PDGFRB: variants seen among roughly 807,000 people sequenced by gnomAD.
The protein encoded by PDGFRB is platelet derived growth factor receptor beta.
In PDGFRB, 42 loss-of-function variants were observed where a neutral mutation model predicts 120.2. The ratio of observed to expected loss-of-function variants is 0.35; its 90% CI spans 0.27 to 0.45. PDGFRB has a LOEUF of 0.45. PDGFRB is among the 20% of genes least tolerant of loss of function. PDGFRB has a pLI of 1.00. For synonymous variants in PDGFRB, 586 were observed against 606.8 expected (o/e 0.97, Z 0.50); for missense variants, 1,149 against 1,476.3 (o/e 0.78, Z 3.63).
At chr5:150,125,403 C>A (rs760156487) in intron 12 of PDGFRB, 42 bp downstream of exon 12, 1 of 1,576,154 alleles carries the variant, frequency 6.3e-7, no homozygotes, top group South Asian at 1.1e-5. Flanking sequence ...TCCCACCCAA[C>A]TTGAGTCCCC....
rs1488128879 is a variant in PDGFRB at position 150,118,030 on chromosome 5, A to G, written c.2905-180T>C. Among the ~76,000 whole-genome samples the G allele has an allele frequency of 2.0e-5, 3 of 152,156 alleles. No individual in the cohort carries two copies. The South Asian group carries it at 6.2e-4, about 32-fold the overall frequency. ...CCTCCTACCTCACATAGAATCTTAC[A>G]AGGCATGGTGAGCTCAGGACCACCC... On this transcript the variant is annotated intron_variant, in intron 21 of 22. Coordinates refer to ENST00000261799, the MANE Select transcript of PDGFRB (RefSeq NM_002609.4).
chr5:150,136,814 A>C lies in PDGFRB; in HGVS notation c.40+194T>G, dbSNP rs17110946. 5.0e-3 allele frequency among the ~76,000 whole-genome samples: 766 copies of C among 152,240 alleles called. 3 individuals carry two copies. The highest frequency in any genetic ancestry group is 0.018 in the African/African-American group (730 of 41,554). ...GTTCTGGACAAGCAGGGGCCCACTG[A>C]CGCTTTCTGAGCTGAAGGGCTGGCA... On this transcript the variant is annotated intron_variant, in intron 2 of 22. Coordinates refer to ENST00000261799, the MANE Select transcript of PDGFRB (RefSeq NM_002609.4).
chr5:150,142,105 C>A (rs1019447133), intron 1 of PDGFRB, among the ~76,000 whole-genome samples: 2 of 152,116 alleles, frequency 1.3e-5, no homozygotes, highest in African/African-American at 4.8e-5. Context: ...CCAGAGCCCT[C>A]AGGGATCATC....
At chr5:150,145,939 T>G (rs1455412657) in intron 1 of PDGFRB, among the ~76,000 whole-genome samples, 1 of 152,138 alleles carries the variant, frequency 6.6e-6, no homozygotes, top group Non-Finnish European at 1.5e-5. Flanking sequence ...TGTCCCAACT[T>G]CTCCTTTCAC....
At chr5:150,143,172 G>C (rs1760827161) in intron 1 of PDGFRB, among the ~76,000 whole-genome samples, 1 of 152,236 alleles carries the variant, frequency 6.6e-6, no homozygotes, top group Non-Finnish European at 1.5e-5. Context: ...ACACTACTCA[G>C]AACAGCACAA....
chr5:150,144,670 G>A (rs1458295878), intron 1 of PDGFRB, among the ~76,000 whole-genome samples: 1 of 152,210 alleles, frequency 6.6e-6, no homozygotes, highest in Non-Finnish European at 1.5e-5. Flanking sequence ...CAGTGCGTGG[G>A]AAAGCGCTCA....
chr5:150,123,144 T>C lies in PDGFRB; in HGVS notation c.2081A>G (p.His694Arg), dbSNP rs765673602. The C allele has an allele frequency of 6.2e-7, 1 of 1,613,868 alleles. No homozygotes were observed. Among genetic ancestry groups the C allele is most frequent in the Non-Finnish European group, 8.5e-7 (1 of 1,179,832 alleles). ...CRYGDLVDYLHRNKHTFLQHH... is the reference protein window; with the variant it reads ...CRYGDLVDYLRRNKHTFLQHH... ...CTGCAGGAAGGTGTGTTTGTTGCGG[T>C]GCAGGTAGTCCACCAGGTCTCCGTA... is the stretch of plus-strand genomic sequence containing the variant. The change falls in exon 15 of 23, where the codon CAC becomes CGC. Residue 694 changes from histidine (H) to arginine (R), a missense_variant. This residue lies in a region of PDGFRB where 879 missense variants were observed against 1,108.6 expected (regional missense o/e 0.79). Transcript: ENST00000261799.
intron 5 of PDGFRB, 27 bp from the exon 6 acceptor site, chr5:150,133,787 C>G (rs369845923): frequency 4.0e-5 from 64 of 1,612,554 alleles, no homozygotes; most frequent in African/African-American, 1.9e-4. Flanking sequence ...GGCAGGCCCC[C>G]CAAATCAGGA....
At position 150,134,016 on chromosome 5, in the gene PDGFRB, A is replaced by T; in HGVS notation, c.632-8T>A. The T allele has an allele frequency of 6.2e-7, 1 of 1,613,946 alleles. No individual in the cohort carries two copies. The highest frequency in any genetic ancestry group is 1.3e-5 in the African/African-American group (1 of 75,050). On this transcript the variant is annotated splice_polypyrimidine_tract_variant and splice_region_variant and intron_variant, in intron 4 of 22. Transcript: ENST00000261799. ...AGACGTTGATGGATGACACTGGTAG[A>T]GAGAGATTGGCTTAGGTCTGGGGAA...
intron 1 of PDGFRB, among the ~76,000 whole-genome samples, chr5:150,154,800 G>A (rs1428966231): frequency 6.6e-6 from 1 of 152,196 alleles, no homozygotes; most frequent in Non-Finnish European, 1.5e-5. Context: ...ATGACCGCTA[G>A]GGGGTTGCCA....
rs1759900796 is a variant in PDGFRB, at chr5:150,115,536, AGTTGGCCTCCCT to A, written c.*215_*226del. 1 of 404,202 alleles carries A rather than the reference AGTTGGCCTCCCT, an allele frequency of 2.5e-6. No individual in the cohort carries two copies. 25.0% of individuals were successfully genotyped at this position (404,202 alleles called of 1,614,324 possible). ...CCTGGGGGAACCCTGGCTCAGAGTC[AGTTGGCCTCCCT>A]GGAGGCAGAGGGCTGGTCACGGCCC... On this transcript the variant is annotated 3_prime_UTR_variant, in exon 23 of 23. Coordinates refer to ENST00000261799, the MANE Select transcript of PDGFRB (RefSeq NM_002609.4).
rs1206090587 is a variant in PDGFRB, at chr5:150,117,804, G to A, written c.2951C>T (p.Ala984Val). Residue 984 changes from alanine (A) to valine (V), a missense_variant, in exon 22 of 23, where the codon GCC becomes GTC. Physicochemically the swap from Ala to Val is moderately conservative, Grantham distance 64. Coordinates refer to ENST00000261799, the MANE Select transcript of PDGFRB (RefSeq NM_002609.4). ...CAAGCGGGCCTGGGACCGAAGGATG[G>A]CTGGGTGGTCACTCCTCAGAAACTC... ...DEEFLRSDHP[A>V]ILRSQARLPG... 5.6e-6 allele frequency: 9 copies of A among 1,613,690 alleles called. No individual in the cohort carries two copies. Among genetic ancestry groups the A allele is most frequent in the South Asian group, 1.1e-5 (1 of 91,064 alleles).
At chr5:150,140,061 T>C (rs767575478) in intron 1 of PDGFRB, among the ~76,000 whole-genome samples, 4 of 148,750 alleles carry the variant, frequency 2.7e-5, no homozygotes, top group Non-Finnish European at 4.5e-5. Context: ...CCCCAGGAGG[T>C]GGCAAGGAAA....
At chr5:150,143,192 C>G (rs530042286) in intron 1 of PDGFRB, among the ~76,000 whole-genome samples, 34 of 152,336 alleles carry the variant, frequency 2.2e-4, no homozygotes, top group African/African-American at 7.5e-4. Context: ...AAATTTAAAG[C>G]TTGTAAGTTG....
chr5:150,117,562 A>G lies in PDGFRB; in HGVS notation c.3137+56T>C, dbSNP rs547239744. 5.2e-5 allele frequency: 50 copies of G among 957,072 alleles called. No individual in the cohort carries two copies. In the African/African-American group the frequency reaches 5.7e-4, roughly 11 times the overall value. 59.3% of individuals were successfully genotyped at this position (957,072 alleles called of 1,614,324 possible). A position where few individuals can be genotyped will look rare whatever the true frequency, so the allele number is the denominator to read the frequency against. Reference sequence around the variant, plus strand: ...CGCGCGCGCACACACACACACACACACACACACACACACACACTGTGCACA... The same window carrying G: ...CGCGCGCGCACACACACACACACACGCACACACACACACACACTGTGCACA... On this transcript the variant is annotated intron_variant, in intron 22 of 22. Transcript: ENST00000261799.
Position 150,117,284 on chromosome 5 carries a change from G to C in PDGFRB, c.3137+334C>G, listed in dbSNP as rs548997071. 2.0e-5 allele frequency among the ~76,000 whole-genome samples: 3 copies of C among 152,190 alleles called. No homozygotes were observed. In the East Asian group the frequency reaches 5.8e-4, roughly 30 times the overall value. Reference sequence around the variant, plus strand: ...GCTGGGGTGCTGGGGATGCTAAGTAGGTTTGCTTCTTCTTTTTGGGGCTAG... The same window carrying C: ...GCTGGGGTGCTGGGGATGCTAAGTACGTTTGCTTCTTCTTTTTGGGGCTAG... On this transcript the variant is annotated intron_variant, in intron 22 of 22. Transcript: ENST00000261799.
At chr5:150,154,727 C>T (rs1761183187) in intron 1 of PDGFRB, among the ~76,000 whole-genome samples, 2 of 152,188 alleles carry the variant, frequency 1.3e-5, no homozygotes, top group Admixed American at 6.5e-5. Flanking sequence ...CAGTGGCTGA[C>T]CCCTTCTTCA....
intron 1 of PDGFRB, among the ~76,000 whole-genome samples, chr5:150,152,348 C>T (rs145573256): frequency 6.6e-5 from 10 of 152,288 alleles, no homozygotes; most frequent in African/African-American, 1.4e-4. Flanking sequence ...GTGCTAAGAA[C>T]GAGTTGGTTC....
In PDGFRB at chr5:150,133,644, A is replaced by G. The variant is rs2113908459; in HGVS notation, c.876T>C (p.Asn292=). The change falls in exon 6 of 23, where the codon AAT becomes AAC. Residue 292 remains asparagine, a synonymous_variant. Transcript: ENST00000261799. ...ELEDSGTYTC[N]VTESVNDHQD... ...GATGGTCATTCACACTCTCCGTCAC[A>G]TTGCAGGTGTAGGTCCCCGAGTCTT... The G allele has an allele frequency of 1.2e-6, 2 of 1,614,046 alleles. No homozygotes were observed. Among genetic ancestry groups the G allele is most frequent in the Non-Finnish European group, 1.7e-6 (2 of 1,179,912 alleles).
Sources: allele counts gnomAD v4.1 joint callset (sites outside exome capture counted in the v4.1 genomes callset), GRCh38; gene constraint gnomAD v4.1.1; regional missense constraint gnomAD v4.1.1; transcripts MANE v1.5; gene names NCBI Gene and HGNC (gene_info 2026-07-23, HGNC 2026-07-21).